The following RSPO2 variants were observed in gnomAD, a reference collection of about 807,000 sequenced individuals.
The protein encoded by RSPO2 is R-spondin 2.
A neutral mutation model predicts 30.9 loss-of-function variants in RSPO2; 14 were observed. The ratio of observed to expected loss-of-function variants is 0.45; its 90% CI spans 0.30 to 0.71. RSPO2 has a LOEUF of 0.71. RSPO2 is among the 30% of genes least tolerant of loss of function. The probability of loss-of-function intolerance (pLI) is 0.08; values close to 1 mark genes in which losing one functional copy is unlikely to be tolerated. For missense variants in RSPO2, 264 were observed against 301.9 expected, an observed-to-expected ratio of 0.87 and a Z score of 0.93; for synonymous variants, 107 against 96.4, an observed-to-expected ratio of 1.11 and a Z score of -0.64.
At chr8:107,983,042 G>C (rs139962933) in intron 3 of RSPO2, 69 of 1,080,048 alleles carry the variant, frequency 6.4e-5, no homozygotes, top group Non-Finnish European at 8.3e-5. Context: ...GCTGTGTCAC[G>C]CTCCCCTGCA....
At chr8:107,997,655 C>T (rs1815077406) in intron 2 of RSPO2, among the ~76,000 whole-genome samples, 1 of 152,146 alleles carries the variant, frequency 6.6e-6, no homozygotes, top group African/African-American at 2.4e-5. Context: ...AACAAGGTAA[C>T]ACTACCTAAA....
At chr8:108,003,285 A>ATATG (rs1815318364) in intron 2 of RSPO2, among the ~76,000 whole-genome samples, 1 of 31,346 alleles carries the variant, frequency 3.2e-5, no homozygotes, top group Non-Finnish European at 7.5e-5. Flanking sequence ...GTGTATATAT[A>ATATG]TATATATATA....
At position 107,988,000 on chromosome 8, in the gene RSPO2, T is replaced by C. The variant is rs560707084; in HGVS notation, c.283+1056A>G. On this transcript the variant is annotated intron_variant, in intron 3 of 5. Coordinates refer to ENST00000276659, the MANE Select transcript of RSPO2 (RefSeq NM_178565.5). ...CTGCTTACCTTTTGTCATTTTATTC[T>C]GTGGTCCCCTTTTTCTTATCCTTTC... 2.9e-4 allele frequency among the ~76,000 whole-genome samples: 44 copies of C among 152,306 alleles called. No homozygotes were observed. The South Asian group carries it at 7.3e-3, about 25-fold the overall frequency.
chr8:108,057,029 C>T (rs893268951), intron 2 of RSPO2, among the ~76,000 whole-genome samples: 1 of 113,622 alleles, frequency 8.8e-6, no homozygotes, highest in African/African-American at 3.4e-5. Flanking sequence ...TGCACTCCAG[C>T]CTGGCAACAG....
chr8:107,909,172 C>A (rs901531608), intron 5 of RSPO2, among the ~76,000 whole-genome samples: 3 of 152,192 alleles, frequency 2.0e-5, no homozygotes, highest in African/African-American at 7.2e-5. Context: ...TCTAGAGTGA[C>A]CCCTACCCAT....
chr8:107,928,190 G>T (rs529131046), intron 5 of RSPO2, among the ~76,000 whole-genome samples: 4 of 151,992 alleles, frequency 2.6e-5, no homozygotes, highest in African/African-American at 4.8e-5. Flanking sequence ...CCCTTCTGTC[G>T]TTACTTCAGT....
chr8:108,021,477 A>T (rs775780852), intron 2 of RSPO2, among the ~76,000 whole-genome samples: 1 of 152,148 alleles, frequency 6.6e-6, no homozygotes, highest in Non-Finnish European at 1.5e-5. Context: ...TAAAGCATCA[A>T]TGTAAACTGA....
At chr8:107,982,469 G>C (rs1814477054) in intron 3 of RSPO2, among the ~76,000 whole-genome samples, 1 of 152,026 alleles carries the variant, frequency 6.6e-6, no homozygotes, top group Admixed American at 6.6e-5. Context: ...CAGTGATCTT[G>C]TTTCTTCATT....
At chr8:107,949,439 G>A (rs1813173062) in intron 5 of RSPO2, among the ~76,000 whole-genome samples, 2 of 151,588 alleles carry the variant, frequency 1.3e-5, no homozygotes, top group South Asian at 2.1e-4. Flanking sequence ...TTACAATTTC[G>A]AATTGTACTG....
chr8:107,983,146 G>C, intron 3 of RSPO2: 2 of 1,500,264 alleles, frequency 1.3e-6, no homozygotes, highest in Non-Finnish European at 1.8e-6. Flanking sequence ...CCTCAACCTG[G>C]CTCATCAACA....
At chr8:108,053,628 A>C (rs1812142557) in intron 2 of RSPO2, among the ~76,000 whole-genome samples, 1 of 152,212 alleles carries the variant, frequency 6.6e-6, no homozygotes, top group African/African-American at 2.4e-5. Context: ...TAAGAAATAA[A>C]GGGAAGAAAT....
At position 107,901,174 on chromosome 8, in the gene RSPO2, C is replaced by T. The variant is rs181500705; in HGVS notation, c.633G>A (p.Lys211=). 3.2e-4 allele frequency: 521 copies of T among 1,613,602 alleles called. 7 individuals are homozygous for T. The Admixed American group carries it at 8.6e-3, about 27-fold the overall frequency. Residue 211 remains lysine, a synonymous_variant, in exon 6 of 6, where the codon AAG becomes AAA. Coordinates refer to ENST00000276659, the MANE Select transcript of RSPO2 (RefSeq NM_178565.5). ...RHCPGGKRTP[K]AKEKRNKKKK... is the part of the protein sequence containing the mutation. The stretch of plus-strand genomic sequence containing the variant: ...TTTTCTTGTTCCTCTTCTCCTTCGC[C>T]TTTGGTGTTCTCTTCCCTGCAATGA...
At chr8:108,005,839 T>A (rs1815435666) in intron 2 of RSPO2, among the ~76,000 whole-genome samples, 1 of 152,178 alleles carries the variant, frequency 6.6e-6, no homozygotes, top group East Asian at 1.9e-4. Flanking sequence ...AGGTACAGCA[T>A]GTACATAAAC....
intron 5 of RSPO2, among the ~76,000 whole-genome samples, chr8:107,904,277 C>T (rs1211059027): frequency 2.6e-5 from 4 of 151,220 alleles, no homozygotes; most frequent in Non-Finnish European, 2.9e-5. Context: ...AGTCACCCAA[C>T]GCATAATTCA....
intron 2 of RSPO2, among the ~76,000 whole-genome samples, chr8:108,045,057 A>G (rs186270741): frequency 2.6e-5 from 4 of 152,296 alleles, no homozygotes; most frequent in African/African-American, 7.2e-5. Flanking sequence ...CAATTGTAAT[A>G]AAAACAAAAA....
intron 3 of RSPO2, among the ~76,000 whole-genome samples, chr8:107,985,059 T>C (rs536926273): frequency 6.6e-6 from 1 of 152,282 alleles, no homozygotes; most frequent in East Asian, 1.9e-4. Context: ...GCAGTGACTC[T>C]GGTAAACATC....
intron 2 of RSPO2, among the ~76,000 whole-genome samples, chr8:108,056,152 T>A (rs1472483493): frequency 6.6e-6 from 1 of 152,182 alleles, no homozygotes; most frequent in Non-Finnish European, 1.5e-5. Context: ...TTGACTACAG[T>A]CTCACCACTG....
intron 2 of RSPO2, among the ~76,000 whole-genome samples, chr8:108,078,336 A>G (rs905374689): frequency 6.6e-6 from 1 of 152,236 alleles, no homozygotes; most frequent in African/African-American, 2.4e-5. Flanking sequence ...AAAAGAGAAA[A>G]GAACAGAACA....
chr8:108,015,477 C>T (rs905852925), intron 2 of RSPO2, among the ~76,000 whole-genome samples: 1 of 152,140 alleles, frequency 6.6e-6, no homozygotes, highest in Non-Finnish European at 1.5e-5. Flanking sequence ...AAACAGTAGT[C>T]GGGTTCCTCT....
Sources: gnomAD v4.1 joint callset for allele counts (sites outside exome capture counted in the v4.1 genomes callset) on GRCh38, gnomAD v4.1.1 for gene constraint, MANE v1.5 for transcripts, NCBI Gene and HGNC (gene_info 2026-07-23, HGNC 2026-07-21) for gene names.